Variants in ZDHHC7 observed in about 807,000 individuals in gnomAD.
The protein encoded by ZDHHC7 is zDHHC palmitoyltransferase 7.
ZDHHC7 carries 12 observed loss-of-function variants against 34.1 expected under a neutral mutation model. That is an observed-to-expected ratio of 0.35 (90% CI 0.23 to 0.57). The LOEUF is 0.57. Among genes scored for constraint, ZDHHC7 ranks in the 20% least tolerant of loss-of-function variants. The pLI is 0.84. For synonymous variants in ZDHHC7, 185 were observed against 155.4 expected (o/e 1.19, Z -1.42); for missense variants, 388 against 402.7 (o/e 0.96, Z 0.31).
chr16:85,014,578 G>A (rs560928671), upstream of ZDHHC7, among the ~76,000 whole-genome samples: 1 of 152,294 alleles, frequency 6.6e-6, no homozygotes, highest in African/African-American at 2.4e-5. Flanking sequence ...GAACAGCGAG[G>A]AAGGGAGTTA....
At chr16:85,022,495 C>A in the ZDHHC7 span, among the ~76,000 whole-genome samples, 1 of 152,076 alleles carries the variant, frequency 6.6e-6, no homozygotes, top group Non-Finnish European at 1.5e-5. Context: ...TGGACTCCAG[C>A]CTGGGCAAAA....
chr16:85,002,733 G>A (rs1385569548), intron 1 of ZDHHC7, among the ~76,000 whole-genome samples: 3 of 152,104 alleles, frequency 2.0e-5, no homozygotes, highest in African/African-American at 7.2e-5. Flanking sequence ...GGAGTGGGGG[G>A]ATGGTCGACA....
chr16:84,987,017 C>T (rs2072445420), intron 3 of ZDHHC7, among the ~76,000 whole-genome samples: 1 of 152,206 alleles, frequency 6.6e-6, no homozygotes, highest in African/African-American at 2.4e-5. Flanking sequence ...ACTGCCACTC[C>T]ACCTGCTCTG....
chr16:84,995,223 C>T (rs1459836881), intron 2 of ZDHHC7, among the ~76,000 whole-genome samples: 1 of 152,208 alleles, frequency 6.6e-6, no homozygotes, highest in Non-Finnish European at 1.5e-5. Context: ...TCTCAACACT[C>T]CCGAACCTAA....
In ZDHHC7 at chr16:85,011,490, G is replaced by A. The variant is rs943651228; in HGVS notation, c.-308C>T. The A allele has an allele frequency of 6.6e-6, 1 of 152,256 alleles. No individual in the cohort carries two copies. Among genetic ancestry groups the A allele is most frequent in the South Asian group, 2.1e-4 (1 of 4,846 alleles). The allele number at this position is 152,256 out of a possible 1,614,324, so 9.4% of individuals were successfully genotyped here. Reference sequence around the variant, plus strand: ...AGGCTGCAGCCAAGCAAATGCCTCAGCCCGGAGCCTTGGCTGGAGAGCGGG... The same window carrying A: ...AGGCTGCAGCCAAGCAAATGCCTCAACCCGGAGCCTTGGCTGGAGAGCGGG... On this transcript the variant is annotated 5_prime_UTR_variant, in exon 1 of 8. Coordinates refer to ENST00000313732, the MANE Select transcript of ZDHHC7 (RefSeq NM_017740.3).
chr16:85,025,657 C>T, the ZDHHC7 span, among the ~76,000 whole-genome samples: 1 of 152,204 alleles, frequency 6.6e-6, no homozygotes, highest in Non-Finnish European at 1.5e-5. Flanking sequence ...ATCCGCCCGC[C>T]TCGACCTCCC....
At chr16:85,004,680 G>A (rs959062539) in intron 1 of ZDHHC7, among the ~76,000 whole-genome samples, 3 of 145,790 alleles carry the variant, frequency 2.1e-5, no homozygotes, top group South Asian at 2.1e-4. Flanking sequence ...CAGCACTCCC[G>A]GGTTCACCAC....
At chr16:85,012,769 G>A (rs2072811069), upstream of ZDHHC7, among the ~76,000 whole-genome samples, 1 of 152,062 alleles carries the variant, frequency 6.6e-6, no homozygotes, top group South Asian at 2.1e-4. Context: ...GCCGGGTGCA[G>A]TTTTGGGCGC....
In ZDHHC7 at chr16:84,995,171, C is replaced by T. The variant is rs554181732; in HGVS notation, c.-18+751G>A. ...ACTGGGCACTCTCACACAGATGCCC[C>T]AGCATCACTCTTCTACCCTAATGGC... is the stretch of plus-strand genomic sequence containing the variant. On this transcript the variant is annotated intron_variant, in intron 2 of 7. Transcript: ENST00000313732. 4.6e-5 allele frequency among the ~76,000 whole-genome samples: 7 copies of T among 152,300 alleles called. No individual in the cohort carries two copies. In the South Asian group the frequency reaches 6.2e-4, roughly 14 times the overall value.
intron 1 of ZDHHC7, among the ~76,000 whole-genome samples, chr16:85,002,257 T>C (rs2072663096): frequency 6.6e-6 from 1 of 151,744 alleles, no homozygotes; most frequent in Non-Finnish European, 1.5e-5. Context: ...TCCCCACCCC[T>C]CAAGTATGGC....
the ZDHHC7 span, among the ~76,000 whole-genome samples, chr16:85,017,015 C>T: frequency 6.6e-6 from 1 of 151,022 alleles, no homozygotes; most frequent in African/African-American, 2.4e-5. Flanking sequence ...GATCTTGGCT[C>T]ATTGCAACCT....
At chr16:84,987,448 G>GT (rs5818520) in intron 3 of ZDHHC7, among the ~76,000 whole-genome samples, 186 of 145,098 alleles carry the variant, frequency 1.3e-3, no homozygotes, top group Middle Eastern at 3.6e-3. Flanking sequence ...TTTGGGGTTT[G>GT]TTTTTTTTTT....
chr16:85,017,968 C>G, the ZDHHC7 span, among the ~76,000 whole-genome samples: 3 of 152,236 alleles, frequency 2.0e-5, no homozygotes, highest in African/African-American at 7.2e-5. Flanking sequence ...TGGTGCCACC[C>G]ATTTTTACAT....
upstream of ZDHHC7, among the ~76,000 whole-genome samples, chr16:85,011,896 G>A (rs773390542): frequency 6.6e-6 from 1 of 152,226 alleles, no homozygotes; most frequent in Non-Finnish European, 1.5e-5. Context: ...AAATGGGAAA[G>A]TAAGGGAGCG....
intron 1 of ZDHHC7, among the ~76,000 whole-genome samples, chr16:85,009,843 G>A (rs1179999816): frequency 6.6e-6 from 1 of 151,474 alleles, no homozygotes; most frequent in Non-Finnish European, 1.5e-5. Context: ...CGAGTAGCTG[G>A]GACTACAGGC....
chr16:84,983,163 G>C (rs752715552), intron 3 of ZDHHC7, among the ~76,000 whole-genome samples: 2 of 152,324 alleles, frequency 1.3e-5, no homozygotes, highest in South Asian at 4.1e-4. Context: ...CAGATCTGGA[G>C]AATGAGACCC....
chr16:84,979,469 C>G (rs2072338529), intron 4 of ZDHHC7, 184 bp from the exon 5 acceptor site: 1 of 662,190 alleles, frequency 1.5e-6, no homozygotes, highest in Non-Finnish European at 1.9e-6. Flanking sequence ...TCTTCCGTTT[C>G]CTAAGGAAAA....
At chr16:85,016,335 T>C (rs1047313909), upstream of ZDHHC7, among the ~76,000 whole-genome samples, 47 of 152,086 alleles carry the variant, frequency 3.1e-4, no homozygotes, top group African/African-American at 8.9e-4. Context: ...AATTTTATTT[T>C]TGGCTTACAG....
At chr16:84,978,918 T>C (rs775856003) in intron 5 of ZDHHC7, among the ~76,000 whole-genome samples, 8 of 151,986 alleles carry the variant, frequency 5.3e-5, no homozygotes, top group Non-Finnish European at 7.4e-5. Context: ...TAACATACTT[T>C]AGGAAGATTC....
Sources: gnomAD v4.1 joint callset for allele counts (sites outside exome capture counted in the v4.1 genomes callset) on GRCh38, gnomAD v4.1.1 for gene constraint, MANE v1.5 for transcripts, NCBI Gene and HGNC (gene_info 2026-07-23, HGNC 2026-07-21) for gene names.